NCOA7: variants seen among roughly 807,000 people sequenced by gnomAD.
NCOA7 encodes 140 kDa estrogen receptor-associated protein.
NCOA7 carries 45 observed loss-of-function variants against 104.3 expected under a neutral mutation model. The ratio of observed to expected loss-of-function variants is 0.43; its 90% CI spans 0.34 to 0.55. NCOA7 has a LOEUF of 0.55. NCOA7 is among the 20% of genes least tolerant of loss of function. The probability of loss-of-function intolerance (pLI) is 0.02; values close to 1 mark genes in which losing one functional copy is unlikely to be tolerated. For missense variants in NCOA7, 1,041 were observed against 1,119.7 expected (o/e 0.93, Z 1.00); for synonymous variants, 398 against 402.3 (o/e 0.99, Z 0.13).
chr6:125,885,373 A>G, intron 8 of NCOA7, 30 bp downstream of exon 8: 1 of 1,608,482 alleles, frequency 6.2e-7, no homozygotes, highest in Non-Finnish European at 8.5e-7. Flanking sequence ...ACCAGGAAAA[A>G]AGGGGTGTTG....
chr6:125,803,151 G>T (rs546279054), intron 1 of NCOA7, among the ~76,000 whole-genome samples: 1 of 152,176 alleles, frequency 6.6e-6, no homozygotes, highest in Non-Finnish European at 1.5e-5. Flanking sequence ...TGATTGTGTG[G>T]CACTATTGAA....
intron 2 of NCOA7, among the ~76,000 whole-genome samples, chr6:125,839,551 C>T (rs998309342): frequency 2.6e-5 from 4 of 152,174 alleles, no homozygotes; most frequent in Admixed American, 6.5e-5. Flanking sequence ...TAGAAGCTCT[C>T]GAGGCACCTC....
In NCOA7 at chr6:125,888,932, C is replaced by T. The variant is rs1784432757; in HGVS notation, c.885-7C>T. ...TCCATGTGCACCCACCATTTCTCCC[C>T]CAACAGTGACCTACCTCAGGATCTT... is the stretch of plus-strand genomic sequence containing the variant. On this transcript the variant is annotated splice_polypyrimidine_tract_variant and splice_region_variant and intron_variant, in intron 8 of 15. Coordinates refer to ENST00000392477, the MANE Select transcript of NCOA7 (RefSeq NM_181782.5). 2.5e-6 allele frequency: 4 copies of T among 1,580,884 alleles called. No homozygotes were observed. The highest frequency in any genetic ancestry group is 3.4e-6 in the Non-Finnish European group (4 of 1,163,096).
At chr6:125,906,227 C>T (rs931685555) in intron 10 of NCOA7, among the ~76,000 whole-genome samples, 3 of 152,126 alleles carry the variant, frequency 2.0e-5, no homozygotes, top group Admixed American at 1.3e-4. Flanking sequence ...AGAGCAGTTA[C>T]TCCTTTTGAA....
At chr6:125,891,417 A>G (rs1393677306) in intron 10 of NCOA7, among the ~76,000 whole-genome samples, 1 of 152,224 alleles carries the variant, frequency 6.6e-6, no homozygotes, top group African/African-American at 2.4e-5. Context: ...ATCACTGAGG[A>G]TGTCTTTATA....
At chr6:125,901,121 G>T (rs1049638785) in intron 10 of NCOA7, among the ~76,000 whole-genome samples, 4 of 152,154 alleles carry the variant, frequency 2.6e-5, no homozygotes, top group African/African-American at 9.7e-5. Context: ...ATGCATATGC[G>T]TTTCAGTACT....
At chr6:125,861,675 C>G (rs1393424810) in intron 3 of NCOA7, among the ~76,000 whole-genome samples, 1 of 152,106 alleles carries the variant, frequency 6.6e-6, no homozygotes, top group Non-Finnish European at 1.5e-5. Flanking sequence ...TCGTGACATA[C>G]CTGGGTGGTG....
intron 3 of NCOA7, among the ~76,000 whole-genome samples, chr6:125,864,798 T>G (rs902146304): frequency 7.2e-6 from 1 of 138,226 alleles, no homozygotes; most frequent in Non-Finnish European, 1.5e-5. Context: ...TATGGTATTT[T>G]GTTATAGCAG....
chr6:125,928,981 G>C lies in NCOA7; in HGVS notation c.*210G>C. ...ATTGAAGAAAGAAACTTAAAATCCAGGTTGTTGAAAAGACTTTGTACTCCC... is the reference window on the plus strand; with the variant it reads ...ATTGAAGAAAGAAACTTAAAATCCACGTTGTTGAAAAGACTTTGTACTCCC... On this transcript the variant is annotated 3_prime_UTR_variant, in exon 16 of 16. Coordinates refer to ENST00000392477, the MANE Select transcript of NCOA7 (RefSeq NM_181782.5). The C allele has an allele frequency of 2.1e-6, 1 of 478,040 alleles. No individual in the cohort carries two copies. Among genetic ancestry groups the C allele is most frequent in the South Asian group, 4.4e-5 (1 of 22,682 alleles). The allele number at this position is 478,040 out of a possible 1,614,324, so 29.6% of individuals were successfully genotyped here.
At chr6:125,830,091 T>C (rs1240642022) in intron 2 of NCOA7, among the ~76,000 whole-genome samples, 1 of 152,260 alleles carries the variant, frequency 6.6e-6, no homozygotes, top group Admixed American at 6.5e-5. Context: ...GCTTATTTCT[T>C]GCTTGAAAAA....
intron 10 of NCOA7, among the ~76,000 whole-genome samples, chr6:125,892,052 A>C (rs1784658423): frequency 6.6e-6 from 1 of 152,194 alleles, no homozygotes; most frequent in Admixed American, 6.5e-5. Context: ...TTACAGCTGA[A>C]TAATATCTAA....
intron 11 of NCOA7, among the ~76,000 whole-genome samples, chr6:125,916,065 A>G (rs1016329405): frequency 6.6e-5 from 10 of 152,226 alleles, no homozygotes; most frequent in African/African-American, 2.4e-4. Context: ...TATCATAATT[A>G]TAATCCCCAA....
intron 10 of NCOA7, among the ~76,000 whole-genome samples, chr6:125,904,888 G>A (rs1230563440): frequency 6.6e-6 from 1 of 152,186 alleles, no homozygotes. Context: ...TTGGCCTTGT[G>A]CTAGGACGGC....
chr6:125,794,943 C>T (rs993220870), intron 1 of NCOA7, among the ~76,000 whole-genome samples: 22 of 151,686 alleles, frequency 1.5e-4, no homozygotes, highest in African/African-American at 5.4e-4. Context: ...ATCTGACCTT[C>T]GCGTCAGTGA....
intron 1 of NCOA7, among the ~76,000 whole-genome samples, chr6:125,799,243 C>T (rs930288517): frequency 2.0e-5 from 3 of 151,462 alleles, no homozygotes; most frequent in Non-Finnish European, 4.4e-5. Flanking sequence ...ATTCCTGCCT[C>T]CCAAGCCTTT....
chr6:125,801,620 G>T (rs764231906), intron 1 of NCOA7, among the ~76,000 whole-genome samples: 3 of 152,220 alleles, frequency 2.0e-5, no homozygotes, highest in African/African-American at 7.2e-5. Context: ...TGTTCCCGCT[G>T]AAACTGGTAG....
chr6:125,884,338 G>T (rs1358551573), intron 7 of NCOA7, among the ~76,000 whole-genome samples: 3 of 152,154 alleles, frequency 2.0e-5, no homozygotes, highest in South Asian at 4.1e-4. Flanking sequence ...TTTGAGATAT[G>T]ATTTCATTTT....
At chr6:125,792,177 T>G (rs1774919976) in intron 1 of NCOA7, among the ~76,000 whole-genome samples, 1 of 152,228 alleles carries the variant, frequency 6.6e-6, no homozygotes, top group Admixed American at 6.5e-5. Flanking sequence ...AAACCACAAT[T>G]TAGAATCACA....
At chr6:125,807,392 A>G (rs906986028) in intron 1 of NCOA7, among the ~76,000 whole-genome samples, 4 of 152,216 alleles carry the variant, frequency 2.6e-5, no homozygotes, top group Non-Finnish European at 5.9e-5. Context: ...ATGACAGACT[A>G]TTATAATCTG....
Sources: allele counts gnomAD v4.1 joint callset (sites outside exome capture counted in the v4.1 genomes callset), GRCh38; gene constraint gnomAD v4.1.1; transcripts MANE v1.5; gene names NCBI Gene and HGNC (gene_info 2026-07-23, HGNC 2026-07-21).